TMEM132C: variants seen among roughly 807,000 people sequenced by gnomAD.
The protein encoded by TMEM132C is protein phosphatase 1, regulatory subunit 152.
A neutral mutation model predicts 61.4 loss-of-function variants in TMEM132C; 29 were observed. That is an observed-to-expected ratio of 0.47 (90% CI 0.35 to 0.64). The LOEUF is 0.64. Ranked by LOEUF, TMEM132C falls within the 30% of genes least tolerant of loss-of-function variation. The probability of loss-of-function intolerance (pLI) is 0.00; values close to 1 mark genes in which losing one functional copy is unlikely to be tolerated. For synonymous variants in TMEM132C, 656 were observed against 633.1 expected (o/e 1.04, Z -0.54); for missense variants, 1,408 against 1,476.9 (o/e 0.95, Z 0.76).
At chr12:128,293,704 C>G (rs1593000419) in intron 1 of TMEM132C, among the ~76,000 whole-genome samples, 1 of 152,112 alleles carries the variant, frequency 6.6e-6, no homozygotes, top group Admixed American at 6.5e-5. Context: ...CCTTCTTTGT[C>G]TCCCAACCTC....
chr12:128,587,050 T>A (rs1875573615), intron 3 of TMEM132C, among the ~76,000 whole-genome samples: 1 of 152,254 alleles, frequency 6.6e-6, no homozygotes, highest in Admixed American at 6.5e-5. Context: ...GGAAAGGGAA[T>A]TGCCCAGTGT....
chr12:128,688,966 G>A (rs1359413832), intron 5 of TMEM132C, among the ~76,000 whole-genome samples: 3 of 149,790 alleles, frequency 2.0e-5, no homozygotes, highest in Admixed American at 6.6e-5. Flanking sequence ...GCTAGTTGTT[G>A]TTTTTTTTGT....
At position 128,622,357 on chromosome 12, in the gene TMEM132C, AAAAATATATATATATATATAT is replaced by A. The variant is rs1321026821; in HGVS notation, c.1305+6024_1305+6044del. Among the ~76,000 whole-genome samples, 13 of 60,266 alleles carry A rather than the reference AAAAATATATATATATATATAT, an allele frequency of 2.2e-4. 1 individual carries two copies. The highest frequency in any genetic ancestry group is 6.8e-4 in the African/African-American group (7 of 10,264). The allele number at this position is 60,266 out of a possible 152,430, so 39.5% of individuals were successfully genotyped here. On this transcript the variant is annotated intron_variant, in intron 4 of 8. Transcript: ENST00000435159. ...AGACTTTGTCTCAAAAAAAAAAAAA[AAAAATATATATATATATATAT>A]ATATATATATATATATATATATAAC...
At chr12:128,292,088 A>G (rs1871263670) in intron 1 of TMEM132C, among the ~76,000 whole-genome samples, 1 of 152,056 alleles carries the variant, frequency 6.6e-6, no homozygotes, top group African/African-American at 2.4e-5. Context: ...TCTGCTTCAT[A>G]ACTCTTGCCT....
intron 2 of TMEM132C, among the ~76,000 whole-genome samples, chr12:128,439,627 G>T (rs925946064): frequency 1.3e-5 from 2 of 152,036 alleles, no homozygotes; most frequent in African/African-American, 4.8e-5. Flanking sequence ...TTTTTCAGCA[G>T]GATGAAGCAA....
chr12:128,553,545 T>C (rs1874240275), intron 3 of TMEM132C, among the ~76,000 whole-genome samples: 1 of 152,188 alleles, frequency 6.6e-6, no homozygotes, highest in African/African-American at 2.4e-5. Context: ...CATACTTAGC[T>C]TTTTAAATAA....
At chr12:128,596,529 A>G (rs907792787) in intron 3 of TMEM132C, among the ~76,000 whole-genome samples, 1 of 146,490 alleles carries the variant, frequency 6.8e-6, no homozygotes, top group African/African-American at 2.6e-5. Context: ...CAGAGGCGGC[A>G]GGGCTTCACT....
intron 1 of TMEM132C, among the ~76,000 whole-genome samples, chr12:128,350,774 A>G (rs1273116194): frequency 3.3e-5 from 5 of 151,928 alleles, no homozygotes; most frequent in Non-Finnish European, 5.9e-5. Context: ...CAGAATAACG[A>G]CTGCCCTTTC....
chr12:128,275,986 TCA>T (rs1262727377), intron 1 of TMEM132C, among the ~76,000 whole-genome samples: 1 of 152,158 alleles, frequency 6.6e-6, no homozygotes, highest in Non-Finnish European at 1.5e-5. Context: ...GCCTCCGTCT[TCA>T]CATGGCCTCC....
At chr12:128,325,621 T>A (rs1470651985) in intron 1 of TMEM132C, among the ~76,000 whole-genome samples, 1 of 152,236 alleles carries the variant, frequency 6.6e-6, no homozygotes, top group African/African-American at 2.4e-5. Flanking sequence ...TGTGAAGTTT[T>A]TCAGTGTCTT....
chr12:128,461,886 A>G (rs950915134), intron 2 of TMEM132C, among the ~76,000 whole-genome samples: 56 of 152,122 alleles, frequency 3.7e-4, no homozygotes, highest in Admixed American at 3.2e-3. Flanking sequence ...CCTGCTCATA[A>G]AAAGGCTTCT....
At chr12:128,583,689 T>G (rs1456986074) in intron 3 of TMEM132C, among the ~76,000 whole-genome samples, 2 of 152,176 alleles carry the variant, frequency 1.3e-5, no homozygotes, top group East Asian at 3.9e-4. Flanking sequence ...TCTCAACGTG[T>G]GCTGAGTATT....
At chr12:128,495,334 T>C (rs1871904677) in intron 2 of TMEM132C, among the ~76,000 whole-genome samples, 1 of 152,166 alleles carries the variant, frequency 6.6e-6, no homozygotes, top group Admixed American at 6.5e-5. Context: ...TGGAGAGTTC[T>C]GTAGGTGTCT....
rs184011746 is a variant in TMEM132C at position 128,452,849 on chromosome 12, G to A, written c.974+37229G>A. 1.8e-4 allele frequency among the ~76,000 whole-genome samples: 28 copies of A among 152,182 alleles called. 1 individual carries two copies. In the South Asian group the frequency reaches 3.5e-3, roughly 19 times the overall value. ...AAATGGTCATAATTACATATGTATCGTTAGGGTGGACTTTCATTTTTTATC... is the reference window on the plus strand; with the variant it reads ...AAATGGTCATAATTACATATGTATCATTAGGGTGGACTTTCATTTTTTATC... On this transcript the variant is annotated intron_variant, in intron 2 of 8. Coordinates refer to ENST00000435159, the MANE Select transcript of TMEM132C (RefSeq NM_001136103.3).
chr12:128,370,835 A>G (rs1874007212), intron 1 of TMEM132C, among the ~76,000 whole-genome samples: 1 of 152,066 alleles, frequency 6.6e-6, no homozygotes, highest in Admixed American at 6.5e-5. Context: ...CCATTTATTC[A>G]TAGAATTCAA....
intron 1 of TMEM132C, among the ~76,000 whole-genome samples, chr12:128,359,067 T>G (rs530192167): frequency 5.3e-5 from 8 of 152,248 alleles, no homozygotes; most frequent in African/African-American, 1.7e-4. Context: ...AAAATGGTGG[T>G]TCTGAGCAGC....
At chr12:128,305,984 G>T (rs1366524193) in intron 1 of TMEM132C, among the ~76,000 whole-genome samples, 1 of 152,086 alleles carries the variant, frequency 6.6e-6, no homozygotes, top group Non-Finnish European at 1.5e-5. Context: ...CTTAATTTAG[G>T]CTTTTAAAAT....
chr12:128,336,599 G>A (rs532040541), intron 1 of TMEM132C, among the ~76,000 whole-genome samples: 1 of 152,294 alleles, frequency 6.6e-6, no homozygotes, highest in East Asian at 1.9e-4. Flanking sequence ...TATCCAAAGA[G>A]TCTACTGCTA....
chr12:128,293,969 T>C (rs1593000514), intron 1 of TMEM132C: 2 of 154,430 alleles, frequency 1.3e-5, no homozygotes, highest in African/African-American at 4.8e-5. Context: ...CGGATTTCAT[T>C]TGGTGCAGAA....
Sources: gnomAD v4.1 joint callset for allele counts (sites outside exome capture counted in the v4.1 genomes callset) on GRCh38, gnomAD v4.1.1 for gene constraint, MANE v1.5 for transcripts, NCBI Gene and HGNC (gene_info 2026-07-23, HGNC 2026-07-21) for gene names.